The following MRPL1 variants were observed in gnomAD, a reference collection of about 807,000 sequenced individuals.
MRPL1 encodes the protein large ribosomal subunit protein uL1m.
In MRPL1, 28 loss-of-function variants were observed where a neutral mutation model predicts 38.0. The ratio of observed to expected loss-of-function variants is 0.74; its 90% CI spans 0.55 to 1.01. MRPL1 has a LOEUF of 1.01. Among genes scored for constraint, MRPL1 ranks in the 50% least tolerant of loss-of-function variants. The probability of loss-of-function intolerance (pLI) is 0.00; values close to 1 mark genes in which losing one functional copy is unlikely to be tolerated. For missense variants in MRPL1, 358 were observed against 389.8 expected, an observed-to-expected ratio of 0.92 and a Z score of 0.69; for synonymous variants, 123 against 126.7, an observed-to-expected ratio of 0.97 and a Z score of 0.20.
At chr4:77,895,947 CT>C (rs1735902591) in intron 6 of MRPL1, among the ~76,000 whole-genome samples, 1 of 151,982 alleles carries the variant, frequency 6.6e-6, no homozygotes, top group Non-Finnish European at 1.5e-5. Context: ...TTTCTCATAA[CT>C]TTTTTGTTCT....
At chr4:77,884,840 T>A (rs1735636452) in intron 3 of MRPL1, among the ~76,000 whole-genome samples, 1 of 152,196 alleles carries the variant, frequency 6.6e-6, no homozygotes, top group African/African-American at 2.4e-5. Context: ...CAAATTTAAT[T>A]GAAGATAGCA....
In MRPL1 at chr4:77,862,858, G is replaced by C. The variant is rs768194856; in HGVS notation, c.10G>C (p.Ala4Pro). The C allele has an allele frequency of 9.9e-6, 16 of 1,614,144 alleles. No homozygotes were observed. The highest frequency in any genetic ancestry group is 1.4e-5 in the Non-Finnish European group (16 of 1,180,030). The change falls in exon 1 of 9, where the codon GCC becomes CCC. Residue 4 changes from alanine to proline, a missense_variant. Coordinates refer to ENST00000315567, the MANE Select transcript of MRPL1 (RefSeq NM_020236.4). ...ATCCGGAGTGCCCAACATGGCGGCG[G>C]CCGTAAGGTGCATGGGTAGAGGTAA... is the stretch of plus-strand genomic sequence containing the variant. MAA[A>P]VRCMGRALIH...
At chr4:77,951,394 G>C (rs1157176314) in intron 8 of MRPL1, among the ~76,000 whole-genome samples, 4 of 152,232 alleles carry the variant, frequency 2.6e-5, no homozygotes, top group Non-Finnish European at 4.4e-5. Context: ...TTCTGGAAGA[G>C]AGAAATGAAT....
At chr4:77,873,344 A>T (rs543095716) in intron 2 of MRPL1, among the ~76,000 whole-genome samples, 1 of 152,218 alleles carries the variant, frequency 6.6e-6, no homozygotes, top group African/African-American at 2.4e-5. Context: ...ATTTCAGCCT[A>T]AATTTTCTGA....
At chr4:77,917,178 C>T (rs1736441681) in intron 7 of MRPL1, among the ~76,000 whole-genome samples, 1 of 152,040 alleles carries the variant, frequency 6.6e-6, no homozygotes, top group Non-Finnish European at 1.5e-5. Flanking sequence ...TATTCCTAGC[C>T]CCACTCTTAT....
chr4:77,927,134 C>T (rs986591135), intron 7 of MRPL1, among the ~76,000 whole-genome samples: 2 of 152,190 alleles, frequency 1.3e-5, no homozygotes, highest in African/African-American at 4.8e-5. Flanking sequence ...TGAAACCTAT[C>T]AGAAAATTAA....
rs72869597 is a variant in MRPL1, at chr4:77,925,607, G to A, written c.777+16235G>A. ...TTTTTTCCTTATCCTGTTTTTCTGA[G>A]ATGTGTTGTTGGTTTTCTGATTATC... On this transcript the variant is annotated intron_variant, in intron 7 of 8. Transcript: ENST00000315567. Among the ~76,000 whole-genome samples, 89 of 150,106 alleles carry A rather than the reference G, an allele frequency of 5.9e-4. 1 individual carries two copies. The highest frequency in any genetic ancestry group is 2.1e-3 in the African/African-American group (85 of 41,076).
chr4:77,928,558 A>G (rs1736770399), intron 7 of MRPL1, among the ~76,000 whole-genome samples: 1 of 152,190 alleles, frequency 6.6e-6, no homozygotes, highest in East Asian at 1.9e-4. Flanking sequence ...GGAATTATAA[A>G]GAGAGGAAAA....
rs368049191 is a variant in MRPL1, at chr4:77,871,822, G to A, written c.110G>A (p.Arg37Gln). 7.5e-6 allele frequency: 12 copies of A among 1,602,790 alleles called. No homozygotes were observed. Among genetic ancestry groups the A allele is most frequent in the East Asian group, 2.3e-5 (1 of 44,270 alleles). ...CTTTGTTCTTGTTCTGTAAACATCC[G>A]AGTGCCCAACAGACATTTTGCTGCT... ...TSLCSCSVNI[R>Q]VPNRHFAAAT... The change falls in exon 2 of 9, where the codon CGA (arginine) becomes CAA (glutamine). Residue 37 changes from arginine to glutamine, a missense_variant. Physicochemically the swap from Arg to Gln is conservative, Grantham distance 43 (BLOSUM62 1). Coordinates refer to ENST00000315567, the MANE Select transcript of MRPL1 (RefSeq NM_020236.4).
chr4:77,912,944 A>G (rs544537530), intron 7 of MRPL1, among the ~76,000 whole-genome samples: 2 of 152,152 alleles, frequency 1.3e-5, no homozygotes, highest in African/African-American at 2.4e-5. Context: ...TTTTCTGGAG[A>G]AAGGATAGTT....
chr4:77,903,028 A>C lies in MRPL1; in HGVS notation c.671-6238A>C, dbSNP rs530652046. ...ATGAGCTCTGCATTACCCTGATAAC[A>C]AAGGTAGACAAGGACATTACGAGAA... is the stretch of plus-strand genomic sequence containing the variant. On this transcript the variant is annotated intron_variant, in intron 6 of 8. Coordinates refer to ENST00000315567, the MANE Select transcript of MRPL1 (RefSeq NM_020236.4). 2.0e-4 allele frequency among the ~76,000 whole-genome samples: 30 copies of C among 152,328 alleles called. 1 individual carries two copies. The South Asian group carries it at 5.0e-3, about 25-fold the overall frequency.
At chr4:77,931,541 A>G (rs773535526) in intron 7 of MRPL1, among the ~76,000 whole-genome samples, 13 of 152,248 alleles carry the variant, frequency 8.5e-5, no homozygotes, top group Admixed American at 2.6e-4. Context: ...TAGCAAGGCA[A>G]CAGTGCTTGT....
At chr4:77,886,789 C>CTT (rs71214375) in intron 4 of MRPL1, among the ~76,000 whole-genome samples, 27,591 of 90,496 alleles carry the variant, frequency 0.3, 5,378 homozygotes, top group Non-Finnish European at 0.39. Context: ...TTTGCATTTT[C>CTT]TTTTTTTTTT....
chr4:77,871,767 A>G lies in MRPL1; in HGVS notation c.55A>G (p.Ser19Gly). 6.3e-7 allele frequency: 1 copy of G among 1,580,822 alleles called. No individual in the cohort carries two copies. The highest frequency in any genetic ancestry group is 1.4e-5 in the African/African-American group (1 of 73,186). ...AGCCTTGATACATCATCAAAGGCATAGCCTTTCCAAGATGGTTTATCAGAC... is the reference window on the plus strand; with the variant it reads ...AGCCTTGATACATCATCAAAGGCATGGCCTTTCCAAGATGGTTTATCAGAC... The part of the protein sequence containing the change: ...GRALIHHQRH[S>G]LSKMVYQTSL... Residue 19 changes from serine (S) to glycine (G), a missense_variant, in exon 2 of 9, where the codon AGC becomes GGC. Transcript: ENST00000315567.
At chr4:77,873,254 G>A (rs1735323536) in intron 2 of MRPL1, among the ~76,000 whole-genome samples, 1 of 152,162 alleles carries the variant, frequency 6.6e-6, no homozygotes, top group Non-Finnish European at 1.5e-5. Flanking sequence ...TATTGTAAGT[G>A]TTTTACAGAT....
At chr4:77,877,998 A>T (rs1218886802) in intron 2 of MRPL1, among the ~76,000 whole-genome samples, 1 of 151,924 alleles carries the variant, frequency 6.6e-6, no homozygotes. Flanking sequence ...TGGCCTGTGA[A>T]TTGAGTGTGA....
intron 1 of MRPL1, among the ~76,000 whole-genome samples, chr4:77,863,471 T>G: frequency 6.9e-6 from 1 of 145,938 alleles, no homozygotes; most frequent in African/African-American, 2.6e-5. Context: ...ATTTTTTTTT[T>G]TTTTTTTTTT....
chr4:77,918,839 A>AAT lies in MRPL1; in HGVS notation c.777+9478_777+9479dup, dbSNP rs545324121. 4.3e-4 allele frequency among the ~76,000 whole-genome samples: 65 copies of AAT among 152,044 alleles called. No homozygotes were observed. In the East Asian group the frequency reaches 5.4e-3, roughly 13 times the overall value. On this transcript the variant is annotated intron_variant, in intron 7 of 8. Transcript: ENST00000315567. ...GTACTCAATAAATAATTGTTGGATGAATATATATATATGTATGAATAAACA... is the reference window on the plus strand; with the variant it reads ...GTACTCAATAAATAATTGTTGGATGAATATATATATATATGTATGAATAAACA...
intron 7 of MRPL1, among the ~76,000 whole-genome samples, chr4:77,946,151 C>G (rs560454944): frequency 2.0e-5 from 3 of 152,040 alleles, no homozygotes; most frequent in African/African-American, 7.2e-5. Flanking sequence ...GACCTCCCCC[C>G]AGGAATGCAA....
Sources: gnomAD v4.1 joint callset for allele counts (sites outside exome capture counted in the v4.1 genomes callset) on GRCh38, gnomAD v4.1.1 for gene constraint, MANE v1.5 for transcripts, NCBI Gene and HGNC (gene_info 2026-07-23, HGNC 2026-07-21) for gene names.